The following GTF2A1L variants were observed in gnomAD, a reference collection of about 807,000 sequenced individuals.
GTF2A1L encodes the protein TFIIA-alpha and beta-like factor.
A neutral mutation model predicts 49.7 loss-of-function variants in GTF2A1L; 48 were observed. That is an observed-to-expected ratio of 0.97 (90% CI 0.77 to 1.23). The LOEUF (loss-of-function observed/expected upper bound fraction) is 1.23, where lower values mean the gene tolerates loss of function less well. Ranked by LOEUF, GTF2A1L falls within the 50% of genes most tolerant of loss-of-function variation. The pLI, the probability that GTF2A1L is intolerant of heterozygous loss-of-function variation, is 0.00. For synonymous variants in GTF2A1L, 246 were observed against 193.5 expected (o/e 1.27, Z -2.25); for missense variants, 736 against 564.8 (o/e 1.30, Z -3.07).
chr2:48,635,098 G>C (rs1005860560), intron 3 of GTF2A1L, among the ~76,000 whole-genome samples: 2 of 152,188 alleles, frequency 1.3e-5, no homozygotes, highest in African/African-American at 2.4e-5. Flanking sequence ...CTGGAGATCT[G>C]CCTGGGCATG....
rs1026748868 is a variant in GTF2A1L, at chr2:48,620,872, A to C, written c.43A>C (p.Ile15Leu). The C allele has an allele frequency of 6.3e-7, 1 of 1,592,548 alleles. No homozygotes were observed. Among genetic ancestry groups the C allele is most frequent in the African/African-American group, 1.3e-5 (1 of 74,296 alleles). The part of the protein sequence containing the change: ...NPVPKLYRSV[I>L]EDVIEGVRNL... Reference sequence around the variant, plus strand: ...GTAGCCTAAACTCTACAGATCTGTAATTGAAGATGTAATTGAAGGAGTTCG... The same window carrying C: ...GTAGCCTAAACTCTACAGATCTGTACTTGAAGATGTAATTGAAGGAGTTCG... The change falls in exon 2 of 9, where the codon ATT becomes CTT. Residue 15 changes from isoleucine to leucine, a missense_variant. By Grantham distance (5) the Ile-to-Leu change is conservative (BLOSUM62 2). Coordinates refer to ENST00000403751, the MANE Select transcript of GTF2A1L (RefSeq NM_006872.5).
intron 3 of GTF2A1L, among the ~76,000 whole-genome samples, chr2:48,640,525 T>G (rs566972833): frequency 1.5e-4 from 23 of 152,018 alleles, no homozygotes; most frequent in African/African-American, 4.8e-4. Context: ...CTGGGTCTAC[T>G]TAAGGGTGGA....
At chr2:48,664,572 A>G (rs568929880) in intron 6 of GTF2A1L, among the ~76,000 whole-genome samples, 3 of 152,246 alleles carry the variant, frequency 2.0e-5, no homozygotes, top group African/African-American at 7.2e-5. Flanking sequence ...GTTTCATAGA[A>G]TGAATTGCTA....
At chr2:48,647,208 G>A in intron 6 of GTF2A1L, 166 bp downstream of exon 6, 1 of 616,080 alleles carries the variant, frequency 1.6e-6, no homozygotes, top group Non-Finnish European at 2.6e-6. Flanking sequence ...ATTTTTAATT[G>A]TGATAAAATA....
chr2:48,627,303 A>C (rs899208116), intron 3 of GTF2A1L, among the ~76,000 whole-genome samples: 1 of 143,942 alleles, frequency 6.9e-6, no homozygotes, highest in Non-Finnish European at 1.6e-5. Context: ...GGAATCTGGA[A>C]CCACAAGGAA....
At chr2:48,651,418 A>C (rs550053255) in intron 6 of GTF2A1L, among the ~76,000 whole-genome samples, 1 of 149,078 alleles carries the variant, frequency 6.7e-6, no homozygotes, top group Non-Finnish European at 1.5e-5. Context: ...CCATCAAAGA[A>C]TTTTTATGTT....
At chr2:48,650,641 A>G (rs1677794418) in intron 6 of GTF2A1L, among the ~76,000 whole-genome samples, 1 of 152,202 alleles carries the variant, frequency 6.6e-6, no homozygotes. Flanking sequence ...ATATATCAAA[A>G]TCAGAGATGT....
rs553131422 is a variant in GTF2A1L at position 48,662,581 on chromosome 2, G to A, written c.979-7141G>A. On this transcript the variant is annotated intron_variant, in intron 6 of 8. Coordinates refer to ENST00000403751, the MANE Select transcript of GTF2A1L (RefSeq NM_006872.5). The stretch of plus-strand genomic sequence containing the variant: ...TCTAGCTGGGTTTTGCAGCGGCAGA[G>A]AGAGACTGGAAGGAATTCCCTCCCT... 7.2e-5 allele frequency among the ~76,000 whole-genome samples: 11 copies of A among 151,942 alleles called. No homozygotes were observed. In the South Asian group the frequency reaches 2.3e-3, roughly 32 times the overall value.
chr2:48,638,207 G>A (rs946172922), intron 3 of GTF2A1L, among the ~76,000 whole-genome samples: 1 of 152,166 alleles, frequency 6.6e-6, no homozygotes, highest in African/African-American at 2.4e-5. Flanking sequence ...TGAGGAGGAA[G>A]GACTCCTCCC....
intron 3 of GTF2A1L, among the ~76,000 whole-genome samples, chr2:48,635,028 C>G (rs1156950190): frequency 1.3e-5 from 2 of 152,194 alleles, no homozygotes; most frequent in East Asian, 1.9e-4. Flanking sequence ...CCCAAGTTCT[C>G]TGCACAGTGA....
In GTF2A1L at chr2:48,642,292, G is replaced by C. The variant is rs1677241322; in HGVS notation, c.248-110G>C. ...AATCAGGAAGTTTAGAATTCACCAT[G>C]GTTTAACCTGTTAGTGATAGAAAAT... On this transcript the variant is annotated intron_variant, in intron 3 of 8. Coordinates refer to ENST00000403751, the MANE Select transcript of GTF2A1L (RefSeq NM_006872.5). The C allele has an allele frequency of 2.8e-6, 3 of 1,088,236 alleles. No individual in the cohort carries two copies. In the African/African-American group the frequency reaches 4.7e-5, roughly 17 times the overall value. 67.4% of individuals were successfully genotyped at this position (1,088,236 alleles called of 1,614,324 possible).
chr2:48,657,972 ATTGT>A, intron 6 of GTF2A1L, among the ~76,000 whole-genome samples: 1 of 151,970 alleles, frequency 6.6e-6, no homozygotes, highest in South Asian at 2.1e-4. Context: ...TGCTTGTTGA[ATTGT>A]TTAAGTTTCT....
In GTF2A1L at chr2:48,646,623, T is replaced by A; in HGVS notation, c.559T>A (p.Ser187Thr). Residue 187 changes from serine to threonine, a missense_variant, in exon 6 of 9, where the codon TCA (serine) becomes ACA (threonine). Coordinates refer to ENST00000403751, the MANE Select transcript of GTF2A1L (RefSeq NM_006872.5). ...GTCTCTTCAAGCAACTACTGAAAAA[T>A]CACAGAGAATTGAAACCGTGCTACA... ...PWSLQATTEK[S>T]QRIETVLQQP... is the part of the protein sequence containing the mutation. 1 of 1,614,032 alleles carries A rather than the reference T, an allele frequency of 6.2e-7. No individual in the cohort carries two copies. The highest frequency in any genetic ancestry group is 8.5e-7 in the Non-Finnish European group (1 of 1,180,004).
chr2:48,668,923 C>G (rs553408425), intron 6 of GTF2A1L, among the ~76,000 whole-genome samples: 20 of 152,188 alleles, frequency 1.3e-4, no homozygotes, highest in African/African-American at 4.6e-4. Flanking sequence ...TATTTGTTAG[C>G]TGTGCTGGAT....
At chr2:48,621,331 G>C in intron 3 of GTF2A1L, 41 bp downstream of exon 3, 1 of 1,612,540 alleles carries the variant, frequency 6.2e-7, no homozygotes, top group Non-Finnish European at 8.5e-7. Flanking sequence ...AGTATCTTCA[G>C]AACAAATTCT....
chr2:48,669,677 T>C, intron 6 of GTF2A1L, 45 bp from the exon 7 acceptor site: 1 of 1,555,600 alleles, frequency 6.4e-7, no homozygotes, highest in South Asian at 1.3e-5. Context: ...ATATTTTATA[T>C]ACCTTATTTG....
intron 3 of GTF2A1L, among the ~76,000 whole-genome samples, chr2:48,634,994 A>C (rs1676804311): frequency 6.6e-6 from 1 of 152,210 alleles, no homozygotes; most frequent in Non-Finnish European, 1.5e-5. Flanking sequence ...ATATCTAGGC[A>C]TGGAACTGGG....
chr2:48,674,253 G>A (rs1486234851), intron 8 of GTF2A1L, among the ~76,000 whole-genome samples: 2 of 152,118 alleles, frequency 1.3e-5, no homozygotes, highest in African/African-American at 2.4e-5. Context: ...TCCACATCCT[G>A]GCCAGCACTG....
intron 2 of GTF2A1L, 24 bp downstream of exon 2, chr2:48,620,976 C>A: frequency 6.3e-7 from 1 of 1,586,618 alleles, no homozygotes; most frequent in South Asian, 1.2e-5. Context: ...ACAACTTTTT[C>A]TTCCTGTCTT....
Sources: gnomAD v4.1 joint callset for allele counts (sites outside exome capture counted in the v4.1 genomes callset) on GRCh38, gnomAD v4.1.1 for gene constraint, MANE v1.5 for transcripts, NCBI Gene and HGNC (gene_info 2026-07-23, HGNC 2026-07-21) for gene names.